CPNE8: variants seen among roughly 807,000 people sequenced by gnomAD.
The protein encoded by CPNE8 is copine 8.
In CPNE8, 45 loss-of-function variants were observed where a neutral mutation model predicts 81.5. The observed-to-expected ratio is 0.55, with a 90% CI of 0.44 to 0.71. The LOEUF is 0.71. CPNE8 is among the 30% of genes least tolerant of loss of function. CPNE8 has a pLI of 0.00. For synonymous variants in CPNE8, 252 were observed against 226.3 expected (o/e 1.11, Z -1.02); for missense variants, 594 against 672.1 (o/e 0.88, Z 1.28).
At position 38,685,458 on chromosome 12, in the gene CPNE8, C is replaced by T. The variant is rs760818241; in HGVS notation, c.1271+32G>A. On this transcript the variant is annotated intron_variant, in intron 16 of 19. Coordinates refer to ENST00000331366, the MANE Select transcript of CPNE8 (RefSeq NM_153634.3). ...ATGAGTTCACCATGTTCCAGTACAT[C>T]AGAATAAGCACCTTGTCTACTCTCT... 8 of 1,604,004 alleles carry T rather than the reference C, an allele frequency of 5.0e-6. No homozygotes were observed. In the Admixed American group the frequency reaches 6.8e-5, roughly 14 times the overall value.
Position 38,797,484 on chromosome 12 carries a change from G to A in CPNE8, c.408-21183C>T, listed in dbSNP as rs555272604. Among the ~76,000 whole-genome samples the A allele has an allele frequency of 1.4e-4, 22 of 152,262 alleles. No individual in the cohort carries two copies. The Middle Eastern group carries it at 0.014, about 94-fold the overall frequency. Reference sequence around the variant, plus strand: ...CAAACTCCAACAGACCTGCAGCTGAGGGTCCTGTCTGTTAGAAGGAAAACT... The same window carrying A: ...CAAACTCCAACAGACCTGCAGCTGAAGGTCCTGTCTGTTAGAAGGAAAACT... On this transcript the variant is annotated intron_variant, in intron 6 of 19. Transcript: ENST00000331366.
intron 8 of CPNE8, among the ~76,000 whole-genome samples, chr12:38,763,128 A>AT (rs1428858975): frequency 6.6e-6 from 1 of 152,200 alleles, no homozygotes; most frequent in Non-Finnish European, 1.5e-5. Context: ...AAGTGCTGGG[A>AT]TTACAGGCGT....
At chr12:38,864,718 C>T (rs1943890871) in intron 3 of CPNE8, among the ~76,000 whole-genome samples, 1 of 152,102 alleles carries the variant, frequency 6.6e-6, no homozygotes, top group Admixed American at 6.5e-5. Context: ...TAGGTCTAAA[C>T]ATGAAAGGTA....
chr12:38,799,817 A>G (rs892376766), intron 6 of CPNE8, among the ~76,000 whole-genome samples: 5 of 147,312 alleles, frequency 3.4e-5, no homozygotes, highest in Non-Finnish European at 7.6e-5. Flanking sequence ...GCGCGAGCCG[A>G]AGCAGGGCGA....
intron 11 of CPNE8, among the ~76,000 whole-genome samples, chr12:38,729,257 T>C (rs1222432612): frequency 6.6e-6 from 1 of 152,092 alleles, no homozygotes; most frequent in Non-Finnish European, 1.5e-5. Flanking sequence ...GTTTAGAACC[T>C]AAATATTCTT....
intron 8 of CPNE8, among the ~76,000 whole-genome samples, chr12:38,764,440 A>C (rs1385427316): frequency 6.7e-6 from 1 of 150,290 alleles, no homozygotes; most frequent in Non-Finnish European, 1.5e-5. Context: ...AAACGGTGAA[A>C]CCCCGTCTCT....
At chr12:38,822,578 T>C (rs1237654331) in intron 6 of CPNE8, among the ~76,000 whole-genome samples, 1 of 152,186 alleles carries the variant, frequency 6.6e-6, no homozygotes, top group Non-Finnish European at 1.5e-5. Flanking sequence ...TAAATGAGTG[T>C]TATTCAGATA....
intron 13 of CPNE8, among the ~76,000 whole-genome samples, chr12:38,713,712 A>T (rs144270157): frequency 6.6e-6 from 1 of 152,340 alleles, no homozygotes; most frequent in Admixed American, 6.5e-5. Context: ...ACCTATAAAA[A>T]TATTTTAAAA....
chr12:38,717,340 C>T (rs1167556283), intron 13 of CPNE8, among the ~76,000 whole-genome samples: 1 of 149,464 alleles, frequency 6.7e-6, no homozygotes, highest in Admixed American at 6.7e-5. Flanking sequence ...CTTGCACATA[C>T]ATGTTTATAG....
intron 13 of CPNE8, among the ~76,000 whole-genome samples, chr12:38,704,381 CGT>C (rs149631105): frequency 1.3e-4 from 19 of 150,228 alleles, no homozygotes; most frequent in East Asian, 3.9e-4. Context: ...TGTATGTGTG[CGT>C]GTGTGTGTGT....
chr12:38,660,148 C>T (rs1298073214), intron 19 of CPNE8, among the ~76,000 whole-genome samples: 1 of 152,160 alleles, frequency 6.6e-6, no homozygotes, highest in African/African-American at 2.4e-5. Context: ...AAAGAGACCA[C>T]ATTGCCAAGA....
At chr12:38,799,671 G>A (rs1487081173) in intron 6 of CPNE8, among the ~76,000 whole-genome samples, 1 of 151,956 alleles carries the variant, frequency 6.6e-6, no homozygotes, top group Non-Finnish European at 1.5e-5. Context: ...GGCCGAATAG[G>A]AACAGCTCCG....
intron 1 of CPNE8, among the ~76,000 whole-genome samples, chr12:38,902,452 AAGAT>A (rs1944505197): frequency 1.3e-5 from 2 of 151,952 alleles, no homozygotes; most frequent in Admixed American, 6.6e-5. Flanking sequence ...GAGAGAAAGA[AAGAT>A]AAAGAATGAG....
intron 13 of CPNE8, among the ~76,000 whole-genome samples, chr12:38,705,265 C>T (rs537257189): frequency 6.6e-6 from 1 of 152,174 alleles, no homozygotes; most frequent in African/African-American, 2.4e-5. Flanking sequence ...CAATCCGATT[C>T]TGCTATTACA....
At position 38,858,517 on chromosome 12, in the gene CPNE8, T is replaced by G. The variant is rs536866879; in HGVS notation, c.187-9855A>C. The stretch of plus-strand genomic sequence containing the variant: ...ATACTCACTTTTAACTACATGCAAA[T>G]TAAGGAGCAGTGTATGCAGAAATTT... On this transcript the variant is annotated intron_variant, in intron 3 of 19. Transcript: ENST00000331366. Among the ~76,000 whole-genome samples the G allele has an allele frequency of 3.8e-4, 58 of 152,300 alleles. No homozygotes were observed. In the South Asian group the frequency reaches 7.3e-3, roughly 19 times the overall value.
intron 5 of CPNE8, 58 bp downstream of exon 5, chr12:38,839,858 A>C (rs1243811566): frequency 5.0e-6 from 7 of 1,386,732 alleles, no homozygotes; most frequent in Non-Finnish European, 6.8e-6. Context: ...TTAATAAGTC[A>C]GCATAAGTAC....
intron 6 of CPNE8, among the ~76,000 whole-genome samples, chr12:38,816,899 T>C (rs1187775528): frequency 6.6e-6 from 1 of 152,196 alleles, no homozygotes; most frequent in Admixed American, 6.5e-5. Flanking sequence ...AATGTCAAGA[T>C]TATTGGAAAT....
In CPNE8 at chr12:38,653,962, T is replaced by C; in HGVS notation, c.1615A>G (p.Met539Val). 6.2e-7 allele frequency: 1 copy of C among 1,613,648 alleles called. No homozygotes were observed. The highest frequency in any genetic ancestry group is 8.5e-7 in the Non-Finnish European group (1 of 1,179,902). ...GATGGCTTGATTCCTCGGGCTCTCA[T>C]ATAGGAGAGAAACTGCTCAGGGATC... is the stretch of plus-strand genomic sequence containing the variant. The part of the protein sequence containing the change: ...AEIPEQFLSY[M>V]RARGIKPSPA... The change falls in exon 20 of 20, where the codon ATG becomes GTG. Residue 539 changes from methionine to valine, a missense_variant. By Grantham distance (21) the Met-to-Val change is conservative. Transcript: ENST00000331366.
chr12:38,902,608 A>T (rs1035032791), intron 1 of CPNE8, among the ~76,000 whole-genome samples: 4 of 152,166 alleles, frequency 2.6e-5, no homozygotes, highest in African/African-American at 9.7e-5. Flanking sequence ...CTTTGTTGCT[A>T]AGTGAAATCC....
Sources: allele counts gnomAD v4.1 joint callset (sites outside exome capture counted in the v4.1 genomes callset), GRCh38; gene constraint gnomAD v4.1.1; transcripts MANE v1.5; gene names NCBI Gene and HGNC (gene_info 2026-07-23, HGNC 2026-07-21).